PPM1H: variants seen among roughly 807,000 people sequenced by gnomAD.
PPM1H encodes the protein protein phosphatase 1H.
Under a neutral mutation model 54.9 loss-of-function variants are expected in PPM1H, and 27 were observed. The ratio of observed to expected loss-of-function variants is 0.49; its 90% CI spans 0.36 to 0.68. The LOEUF (loss-of-function observed/expected upper bound fraction) is 0.68, where lower values mean the gene tolerates loss of function less well. PPM1H is among the 30% of genes least tolerant of loss of function. PPM1H has a pLI of 0.00. For missense variants in PPM1H, 596 were observed against 667.8 expected (o/e 0.89, Z 1.19); for synonymous variants, 305 against 270.8 (o/e 1.13, Z -1.24).
intron 8 of PPM1H, among the ~76,000 whole-genome samples, chr12:62,673,745 A>ATTTTTTTTTTTTTTTTTTT (rs2075970289): frequency 1.1e-4 from 1 of 9,502 alleles, no homozygotes; most frequent in Non-Finnish European, 2.3e-4. Flanking sequence ...TTTTTTTTTG[A>ATTTTTTTTTTTTTTTTTTT]GACAGGGTCT....
intron 1 of PPM1H, among the ~76,000 whole-genome samples, chr12:62,833,234 G>GT (rs1045330606): frequency 1.3e-5 from 2 of 150,250 alleles, no homozygotes; most frequent in African/African-American, 2.4e-5. Flanking sequence ...GAAAAGGTGT[G>GT]TTTTTTCTTT....
chr12:62,899,722 C>A (rs1197615441), intron 1 of PPM1H, among the ~76,000 whole-genome samples: 2 of 152,188 alleles, frequency 1.3e-5, no homozygotes, highest in Non-Finnish European at 2.9e-5. Context: ...GCTCAAACAG[C>A]CTCAGTCCTC....
At chr12:62,868,989 ACTGTACCCACTGTGTG>A (rs1297159052) in intron 1 of PPM1H, among the ~76,000 whole-genome samples, 2 of 152,164 alleles carry the variant, frequency 1.3e-5, no homozygotes, top group Admixed American at 1.3e-4. Context: ...TGAACCACTC[ACTGTACCCACTGTGTG>A]CTGTACCCAC....
At chr12:62,699,283 A>C (rs1592550488) in intron 6 of PPM1H, among the ~76,000 whole-genome samples, 1 of 152,004 alleles carries the variant, frequency 6.6e-6, no homozygotes. Context: ...TGCAACCTCT[A>C]CCTCCTGGGT....
chr12:62,688,263 C>T (rs1030465446), intron 8 of PPM1H, among the ~76,000 whole-genome samples: 5 of 152,146 alleles, frequency 3.3e-5, no homozygotes, highest in African/African-American at 1.2e-4. Flanking sequence ...CTTGGACCTA[C>T]TGCCACCACC....
At chr12:62,904,265 G>A (rs887334573) in intron 1 of PPM1H, among the ~76,000 whole-genome samples, 5 of 151,906 alleles carry the variant, frequency 3.3e-5, no homozygotes, top group Admixed American at 3.3e-4. Context: ...TTGAGAAAGA[G>A]TCTCACTCTG....
intron 1 of PPM1H, among the ~76,000 whole-genome samples, chr12:62,865,023 G>A (rs764710231): frequency 6.6e-5 from 10 of 152,142 alleles, no homozygotes; most frequent in Non-Finnish European, 1.2e-4. Context: ...CTCCTCATTA[G>A]GGCCAAATGA....
At chr12:62,891,133 C>CT (rs1356034684) in intron 1 of PPM1H, among the ~76,000 whole-genome samples, 1 of 144,920 alleles carries the variant, frequency 6.9e-6, no homozygotes, top group African/African-American at 2.6e-5. Flanking sequence ...AAAGACTTGG[C>CT]TGTTTGAATT....
chr12:62,891,094 G>C (rs1198979132), intron 1 of PPM1H, among the ~76,000 whole-genome samples: 1 of 109,536 alleles, frequency 9.1e-6, no homozygotes, highest in Non-Finnish European at 1.7e-5. Context: ...GGGCAACAGA[G>C]CAAGACTCTC....
chr12:62,921,730 C>T (rs922111044), intron 1 of PPM1H, among the ~76,000 whole-genome samples: 2 of 152,100 alleles, frequency 1.3e-5, no homozygotes, highest in African/African-American at 4.8e-5. Context: ...TATGATTGTG[C>T]CTGTGAACAG....
intron 3 of PPM1H, among the ~76,000 whole-genome samples, chr12:62,792,991 T>C (rs951677558): frequency 1.3e-5 from 2 of 152,202 alleles, no homozygotes; most frequent in African/African-American, 4.8e-5. Flanking sequence ...CATGGAAGTA[T>C]TTTCTTAAAA....
chr12:62,667,129 A>G (rs564558699), intron 9 of PPM1H, 49 bp downstream of exon 9: 16 of 1,494,388 alleles, frequency 1.1e-5, no homozygotes, highest in East Asian at 2.3e-5. Context: ...CAGGCATGTC[A>G]TGGAAGAATG....
chr12:62,878,059 G>A (rs1441407044), intron 1 of PPM1H, among the ~76,000 whole-genome samples: 2 of 151,984 alleles, frequency 1.3e-5, no homozygotes, highest in Non-Finnish European at 2.9e-5. Context: ...CACCACGCCC[G>A]GCTAATTTTT....
intron 8 of PPM1H, among the ~76,000 whole-genome samples, chr12:62,671,557 TAG>T (rs2075956927): frequency 6.6e-6 from 1 of 152,134 alleles, no homozygotes; most frequent in African/African-American, 2.4e-5. Flanking sequence ...TCTAAACTAG[TAG>T]ATGAGATAGA....
At chr12:62,896,244 C>T (rs925692740) in intron 1 of PPM1H, among the ~76,000 whole-genome samples, 7 of 152,132 alleles carry the variant, frequency 4.6e-5, no homozygotes, top group Non-Finnish European at 8.8e-5. Context: ...CCAAAATAGA[C>T]AAATGGGATC....
chr12:62,754,803 G>T (rs2076461390), intron 4 of PPM1H, among the ~76,000 whole-genome samples: 1 of 152,202 alleles, frequency 6.6e-6, no homozygotes, highest in African/African-American at 2.4e-5. Context: ...AAGAGGAAGG[G>T]TTAGCACAAG....
At chr12:62,684,270 G>GCA (rs2076039773) in intron 8 of PPM1H, among the ~76,000 whole-genome samples, 2 of 152,108 alleles carry the variant, frequency 1.3e-5, no homozygotes, top group African/African-American at 4.8e-5. Context: ...GGTGGTGAGG[G>GCA]CCTCTCTTGG....
At chr12:62,776,145 T>C (rs1276120454) in intron 4 of PPM1H, among the ~76,000 whole-genome samples, 3 of 152,144 alleles carry the variant, frequency 2.0e-5, no homozygotes, top group Admixed American at 6.5e-5. Flanking sequence ...CCTCCCATGA[T>C]ACGTGGGAGT....
chr12:62,748,255 G>GAAA (rs770925444), intron 4 of PPM1H, among the ~76,000 whole-genome samples: 2 of 149,756 alleles, frequency 1.3e-5, no homozygotes, highest in Non-Finnish European at 3.0e-5. Flanking sequence ...AAAAAAAAAA[G>GAAA]AAAAAAAAAG....
Sources: allele counts gnomAD v4.1 joint callset (sites outside exome capture counted in the v4.1 genomes callset), GRCh38; gene constraint gnomAD v4.1.1; transcripts MANE v1.5; gene names NCBI Gene and HGNC (gene_info 2026-07-23, HGNC 2026-07-21).